SFTPB: variants seen among roughly 807,000 people sequenced by gnomAD.
SFTPB encodes surfactant protein B.
SFTPB carries 32 observed loss-of-function variants against 51.0 expected under a neutral mutation model. The ratio of observed to expected loss-of-function variants is 0.63; its 90% CI spans 0.47 to 0.84. The LOEUF (loss-of-function observed/expected upper bound fraction) is 0.84. Among genes scored for constraint, SFTPB ranks in the 40% least tolerant of loss-of-function variants. The pLI is 0.00. For synonymous variants in SFTPB, 211 were observed against 208.5 expected (o/e 1.01, Z -0.10); for missense variants, 431 against 491.2 (o/e 0.88, Z 1.16).
chr2:85,668,042 G>A (rs780985395), intron 1 of SFTPB, 75 bp downstream of exon 1: 3 of 1,320,248 alleles, frequency 2.3e-6, no homozygotes, highest in Non-Finnish European at 3.2e-6. Context: ...ACAGACTTGG[G>A]TTAATGCCTA....
rs1429424674 is a variant in SFTPB at position 85,663,919 on chromosome 2, A to G, written c.673-72T>C. 1.6e-5 allele frequency: 22 copies of G among 1,394,856 alleles called. No homozygotes were observed. In the East Asian group the frequency reaches 5.5e-4, roughly 35 times the overall value. 86.4% of individuals were successfully genotyped at this position (1,394,856 alleles called of 1,614,324 possible). ...AGCCTCCACTCTCTGCCCAGCACCC[A>G]GCTGGGCACTTCCTACGCATTCCCT... On this transcript the variant is annotated intron_variant, in intron 6 of 10. Transcript: ENST00000519937.
Position 85,658,309 on chromosome 2 carries a change from T to G in SFTPB, c.*1393A>C, listed in dbSNP as rs1677138990. ...TTTGGCTTTTTGTTTATTTTTAGGTTTTTGGTGTCCTCATGACCTAACCTC... is the reference window on the plus strand; with the variant it reads ...TTTGGCTTTTTGTTTATTTTTAGGTGTTTGGTGTCCTCATGACCTAACCTC... On this transcript the variant is annotated 3_prime_UTR_variant, in exon 11 of 11. Coordinates refer to ENST00000519937, the MANE Select transcript of SFTPB (RefSeq NM_000542.5). 1 of 152,156 alleles carries G rather than the reference T, an allele frequency of 6.6e-6. No homozygotes were observed. The allele number at this position is 152,156 out of a possible 1,614,324, so 9.4% of individuals were successfully genotyped here.
At chr2:85,661,267 C>T (rs1677276478) in intron 10 of SFTPB, 187 bp downstream of exon 10, 10 of 510,736 alleles carry the variant, frequency 2.0e-5, no homozygotes, top group South Asian at 4.0e-5. Flanking sequence ...GCTCGGGGTC[C>T]GGAAAGGGTG....
chr2:85,666,847 G>A, intron 3 of SFTPB, 105 bp from the exon 4 acceptor site: 1 of 1,483,608 alleles, frequency 6.7e-7, no homozygotes, highest in South Asian at 1.1e-5. Flanking sequence ...TAATCCCCCA[G>A]GGTGCTGGAG....
At position 85,666,521 on chromosome 2, in the gene SFTPB, G is replaced by T. The variant is rs1179170893; in HGVS notation, c.393+96C>A. 4.3e-6 allele frequency: 5 copies of T among 1,164,320 alleles called. No homozygotes were observed. The East Asian group carries it at 1.1e-4, about 25-fold the overall frequency. 72.1% of individuals were successfully genotyped at this position (1,164,320 alleles called of 1,614,324 possible). A position where few individuals can be genotyped will look rare whatever the true frequency, so the allele number is the denominator to read the frequency against. On this transcript the variant is annotated intron_variant, in intron 4 of 10. Coordinates refer to ENST00000519937, the MANE Select transcript of SFTPB (RefSeq NM_000542.5). ...TGTGTGTGTGTGTGTGTGTGTGTGTGTCTGGCTGGCTGGGGTGCTGTGTGT... is the reference window on the plus strand; with the variant it reads ...TGTGTGTGTGTGTGTGTGTGTGTGTTTCTGGCTGGCTGGGGTGCTGTGTGT...
chr2:85,667,971 G>T, intron 1 of SFTPB, 146 bp downstream of exon 1: 1 of 1,183,960 alleles, frequency 8.4e-7, no homozygotes. Context: ...CGCCAGCTGT[G>T]TGACCTTGGA....
chr2:85,662,097 C>T lies in SFTPB; in HGVS notation c.1015G>A (p.Val339Met). Reference sequence around the variant, plus strand: ...AGCAGCTGGGGCGTGTGCTGCTCCACAAATTGCTTGCACTGAGGAAGGAGA... The same window carrying T: ...AGCAGCTGGGGCGTGTGCTGCTCCATAAATTGCTTGCACTGAGGAAGGAGA... ...WLDREKCKQFVEQHTPQLLTL... is the reference protein window; with the variant it reads ...WLDREKCKQFMEQHTPQLLTL... Residue 339 changes from valine to methionine, a missense_variant, in exon 9 of 11, where the codon GTG (valine) becomes ATG (methionine). Val to Met is a conservative substitution (Grantham distance 21). Transcript: ENST00000519937. 6.2e-7 allele frequency: 1 copy of T among 1,601,460 alleles called. No homozygotes were observed. The highest frequency in any genetic ancestry group is 8.5e-7 in the Non-Finnish European group (1 of 1,175,414).
At chr2:85,668,409 C>T (rs1369775603), upstream of SFTPB, among the ~76,000 whole-genome samples, 2 of 152,238 alleles carry the variant, frequency 1.3e-5, no homozygotes, top group Non-Finnish European at 2.9e-5. Flanking sequence ...CCCAGACTCC[C>T]ATGTTCCTGG....
intron 5 of SFTPB, 74 bp downstream of exon 5, chr2:85,665,532 C>T: frequency 1.3e-6 from 2 of 1,548,796 alleles, no homozygotes; most frequent in East Asian, 2.3e-5. Flanking sequence ...TCCCAGGGCC[C>T]AGTGCCCATG....
At chr2:85,665,890 G>A in intron 4 of SFTPB, 96 bp from the exon 5 acceptor site, 1 of 1,189,978 alleles carries the variant, frequency 8.4e-7, no homozygotes, top group Non-Finnish European at 1.2e-6. Flanking sequence ...TGGAATGGGA[G>A]GAAGCAGGCC....
chr2:85,663,540 G>A (rs897204612), intron 7 of SFTPB, 49 bp from the exon 8 acceptor site: 18 of 1,608,776 alleles, frequency 1.1e-5, no homozygotes, highest in Non-Finnish European at 1.4e-5. Flanking sequence ...ACCCTACAGA[G>A]GTGTTTGGTT....
chr2:85,661,940 A>G, intron 9 of SFTPB, 89 bp downstream of exon 9: 4 of 1,280,306 alleles, frequency 3.1e-6, no homozygotes, highest in Non-Finnish European at 3.3e-6. Flanking sequence ...GACCCAGGGG[A>G]GTGAGGCCTC....
In SFTPB at chr2:85,658,313, G is replaced by A. The variant is rs1294745736; in HGVS notation, c.*1389C>T. 1.3e-5 allele frequency: 2 copies of A among 152,060 alleles called. No individual in the cohort carries two copies. Among genetic ancestry groups the A allele is most frequent in the Admixed American group, 6.6e-5 (1 of 15,256 alleles). The allele number at this position is 152,060 out of a possible 1,614,324, so 9.4% of individuals were successfully genotyped here. ...GCTTTTTGTTTATTTTTAGGTTTTT[G>A]GTGTCCTCATGACCTAACCTCATCC... On this transcript the variant is annotated 3_prime_UTR_variant, in exon 11 of 11. Coordinates refer to ENST00000519937, the MANE Select transcript of SFTPB (RefSeq NM_000542.5).
At position 85,665,718 on chromosome 2, in the gene SFTPB, G is replaced by A. The variant is rs1452978616; in HGVS notation, c.470C>T (p.Ser157Leu). The A allele has an allele frequency of 5.0e-6, 8 of 1,614,110 alleles. No homozygotes were observed. Among genetic ancestry groups the A allele is most frequent in the Non-Finnish European group, 6.8e-6 (8 of 1,180,048 alleles). ...CCGCAGAGGTTTGGGCAGGGGGTCTGACATCCCTGGCTCCTGCTCTGGCTC... is the reference window on the plus strand; with the variant it reads ...CCGCAGAGGTTTGGGCAGGGGGTCTAACATCCCTGGCTCCTGCTCTGGCTC... ...QPEPEQEPGM[S>L]DPLPKPLRDP... is the part of the protein sequence containing the mutation. Residue 157 changes from serine to leucine, a missense_variant, in exon 5 of 11, where the codon TCA (serine) becomes TTA (leucine). Transcript: ENST00000519937.
intron 4 of SFTPB, 146 bp downstream of exon 4, chr2:85,666,449 GGCTGGCTGGGGTGCTGTGTGTT>G (rs1677627173): frequency 5.1e-6 from 3 of 591,588 alleles, no homozygotes; most frequent in Admixed American, 4.7e-5. Context: ...GTGTGTGTCC[GGCTGGCTGGGGTGCTGTGTGTT>G]TGTGTCTGGC....
In SFTPB at chr2:85,665,284, C is replaced by T; in HGVS notation, c.672+5G>A. ...CTGGGCTCTGTGAGGCCCTGGATGC[C>T]TCACCTTGGGAATCATGGCTTGGAT... On this transcript the variant is annotated splice_donor_5th_base_variant and intron_variant, in intron 6 of 10. Coordinates refer to ENST00000519937, the MANE Select transcript of SFTPB (RefSeq NM_000542.5). 2.5e-6 allele frequency: 4 copies of T among 1,612,204 alleles called. No individual in the cohort carries two copies. Among genetic ancestry groups the T allele is most frequent in the Non-Finnish European group, 3.4e-6 (4 of 1,178,334 alleles).
chr2:85,667,850 C>G (rs369552686), intron 1 of SFTPB, 44 bp from the exon 2 acceptor site: 12 of 1,613,634 alleles, frequency 7.4e-6, no homozygotes, highest in African/African-American at 1.3e-5. Flanking sequence ...ATCCAGGCTA[C>G]ACACCTGGCA....
At chr2:85,663,874 C>T in intron 6 of SFTPB, 27 bp from the exon 7 acceptor site, 1 of 1,559,962 alleles carries the variant, frequency 6.4e-7, no homozygotes. Flanking sequence ...GAGAGGCCAG[C>T]ATGGGACCTT....
chr2:85,660,819 C>A (rs1056837293), intron 10 of SFTPB, among the ~76,000 whole-genome samples: 5 of 152,110 alleles, frequency 3.3e-5, no homozygotes, highest in Admixed American at 6.5e-5. Context: ...TGGCTCTGAA[C>A]AGAATTGTAA....
Sources: allele counts gnomAD v4.1 joint callset (sites outside exome capture counted in the v4.1 genomes callset), GRCh38; gene constraint gnomAD v4.1.1; transcripts MANE v1.5; gene names NCBI Gene and HGNC (gene_info 2026-07-23, HGNC 2026-07-21).